KCTD1: variants seen among roughly 807,000 people sequenced by gnomAD.
KCTD1 encodes the protein potassium channel tetramerization domain containing 1, also known as BTB/POZ domain-containing protein KCTD1.
Under a neutral mutation model 66.0 loss-of-function variants are expected in KCTD1, and 24 were observed. The observed-to-expected ratio is 0.36, with a 90% CI of 0.26 to 0.51. The LOEUF is 0.51. KCTD1 is among the 20% of genes least tolerant of loss of function. KCTD1 has a pLI of 0.95. For synonymous variants in KCTD1, 511 were observed against 517.2 expected (o/e 0.99, Z 0.16); for missense variants, 943 against 1,205.2 (o/e 0.78, Z 3.22).
At chr18:26,496,928 T>A (rs1044963231) in intron 2 of KCTD1, among the ~76,000 whole-genome samples, 2 of 152,174 alleles carry the variant, frequency 1.3e-5, no homozygotes, top group Non-Finnish European at 2.9e-5. Flanking sequence ...CAGAGTCAGA[T>A]GGTGAAAATC....
At chr18:26,506,297 G>A (rs1025781612) in intron 1 of KCTD1, among the ~76,000 whole-genome samples, 2 of 152,210 alleles carry the variant, frequency 1.3e-5, no homozygotes, top group Admixed American at 6.5e-5. Context: ...CAGTGGGAGG[G>A]AGCCCATGAA....
At position 26,548,271 on chromosome 18, in the gene KCTD1, TCG is replaced by T; in HGVS notation, c.264_265del (p.Asp88GlufsTer153). ...CATCTCCTCCTCTTCCTCCTCCTCC[TCG>T]TCCTCCTCCAGCCCCCCACCTCCGT... On this transcript the variant is annotated frameshift_variant, in exon 1 of 5. Transcript: ENST00000580059. LOFTEE classifies it high-confidence loss of function. 1 of 1,512,494 alleles carries T rather than the reference TCG, an allele frequency of 6.6e-7. No individual in the cohort carries two copies. The allele number at this position is 1,512,494 out of a possible 1,614,324, so 93.7% of individuals were successfully genotyped here.
chr18:26,651,671 C>A (rs527752063), intron 1 of KCTD1, among the ~76,000 whole-genome samples: 6 of 151,418 alleles, frequency 4.0e-5, no homozygotes, highest in Non-Finnish European at 8.8e-5. Flanking sequence ...GTAGTCCCAG[C>A]TACTCAGGAG....
At chr18:26,641,140 C>G (rs559216982), upstream of KCTD1, among the ~76,000 whole-genome samples, 15 of 152,240 alleles carry the variant, frequency 9.9e-5, 1 homozygote, top group South Asian at 2.9e-3. Context: ...CTGTTTATAC[C>G]CTCACCTCCT....
intron 1 of KCTD1, among the ~76,000 whole-genome samples, chr18:26,529,754 C>A (rs753646905): frequency 2.4e-4 from 36 of 152,282 alleles, no homozygotes; most frequent in Non-Finnish European, 3.5e-4. Flanking sequence ...TATTAAATAA[C>A]TTTGAGAATA....
upstream of KCTD1, chr18:26,548,680 G>T: frequency 9.8e-7 from 1 of 1,020,832 alleles, no homozygotes; most frequent in Non-Finnish European, 1.2e-6. Flanking sequence ...TGTCATTCCC[G>T]AGCGCAGCTC....
chr18:26,527,482 CAA>C (rs1342328848), intron 1 of KCTD1, among the ~76,000 whole-genome samples: 1 of 62,882 alleles, frequency 1.6e-5, no homozygotes, highest in Non-Finnish European at 3.1e-5. Flanking sequence ...AGGGCTACTG[CAA>C]AAAAAAAAGG....
intron 1 of KCTD1, among the ~76,000 whole-genome samples, chr18:26,568,848 G>A (rs930050091): frequency 1.3e-5 from 2 of 152,084 alleles, no homozygotes; most frequent in Non-Finnish European, 2.9e-5. Flanking sequence ...ATTGACCCTT[G>A]TTGATACTGT....
intron 1 of KCTD1, among the ~76,000 whole-genome samples, chr18:26,535,971 CAAAAAA>C (rs36119174): frequency 1.6e-5 from 2 of 122,822 alleles, no homozygotes; most frequent in African/African-American, 6.1e-5. Context: ...GTGATTCCTC[CAAAAAA>C]AAAAAAAAAA....
intron 1 of KCTD1, among the ~76,000 whole-genome samples, chr18:26,526,390 T>C (rs190538011): frequency 6.6e-6 from 1 of 152,274 alleles, no homozygotes; most frequent in Admixed American, 6.5e-5. Flanking sequence ...GATTCGCACA[T>C]AGAGGACCTC....
chr18:26,549,272 G>A, upstream of KCTD1: 5 of 985,066 alleles, frequency 5.1e-6, no homozygotes, highest in South Asian at 1.9e-4. Flanking sequence ...GGGGGCCTGG[G>A]GCCAGCCGCG....
At position 26,548,323 on chromosome 18, in the gene KCTD1, T is replaced by C. The variant is rs766764512; in HGVS notation, c.214A>G (p.Thr72Ala). ...EEDEIQEVQI[T>A]GDEEEEEDGG... ...TCCTCCTCCTCCTCCTCGTCCCCCGTTATCTGCACCTCCTGGATCTCGTCC... is the reference window on the plus strand; with the variant it reads ...TCCTCCTCCTCCTCCTCGTCCCCCGCTATCTGCACCTCCTGGATCTCGTCC... The change falls in exon 1 of 5, where the codon ACG becomes GCG. Residue 72 changes from threonine to alanine, a missense_variant. Around this residue, in one of 10 missense-constraint regions of KCTD1, gnomAD observed 236 missense variants for 206.6 expected, o/e 1.14. Coordinates refer to ENST00000580059, the MANE Select transcript of KCTD1 (RefSeq NM_001142730.3). 34 of 1,484,880 alleles carry C rather than the reference T, an allele frequency of 2.3e-5. No individual in the cohort carries two copies. Among genetic ancestry groups the C allele is most frequent in the Non-Finnish European group, 3.0e-5 (34 of 1,116,962 alleles). The allele number at this position is 1,484,880 out of a possible 1,614,324, so 92.0% of individuals were successfully genotyped here. A position where few individuals can be genotyped will look rare whatever the true frequency, so the allele number is the denominator to read the frequency against.
At chr18:26,621,496 T>C (rs987500974) in intron 1 of KCTD1, among the ~76,000 whole-genome samples, 22 of 151,512 alleles carry the variant, frequency 1.5e-4, no homozygotes, top group Admixed American at 3.9e-4. Context: ...GGACTATACG[T>C]GGAAAAACGA....
intron 2 of KCTD1, among the ~76,000 whole-genome samples, chr18:26,497,640 C>T (rs1250611741): frequency 6.6e-6 from 1 of 152,174 alleles, no homozygotes; most frequent in African/African-American, 2.4e-5. Flanking sequence ...TACAAAAATA[C>T]GCCCCCCAAA....
At chr18:26,630,998 C>T (rs770631670), upstream of KCTD1, among the ~76,000 whole-genome samples, 41 of 152,180 alleles carry the variant, frequency 2.7e-4, no homozygotes, top group Non-Finnish European at 5.0e-4. Context: ...CTTATATATG[C>T]TTTTCTGATT....
chr18:26,653,994 G>C (rs144551676), intron 1 of KCTD1, among the ~76,000 whole-genome samples: 121 of 152,236 alleles, frequency 7.9e-4, no homozygotes, highest in African/African-American at 2.7e-3. Flanking sequence ...TAAAAACGTT[G>C]GTGAAGTAAT....
rs140322832 is a variant in KCTD1 at position 26,565,158 on chromosome 18, G to C, written c.-15-63908C>G. On this transcript the variant is annotated intron_variant, in intron 1 of 4. Transcript: ENST00000317932. ...TGAAGGTGAAGACTGCAGGATGAGA[G>C]TGCTAAGGTGTCAGATTACTGTGTA... Among the ~76,000 whole-genome samples, 1,099 of 152,314 alleles carry C rather than the reference G, an allele frequency of 7.2e-3. 10 individuals are homozygous for C. The highest frequency in any genetic ancestry group is 0.024 in the Middle Eastern group (7 of 294).
At chr18:26,572,398 T>A (rs992584472) in intron 1 of KCTD1, among the ~76,000 whole-genome samples, 36 of 152,168 alleles carry the variant, frequency 2.4e-4, no homozygotes, top group African/African-American at 8.4e-4. Flanking sequence ...CAAATGAGAT[T>A]TCTTTCTGTG....
At chr18:26,507,705 T>C (rs1288753525) in intron 1 of KCTD1, among the ~76,000 whole-genome samples, 1 of 152,138 alleles carries the variant, frequency 6.6e-6, no homozygotes, top group East Asian at 1.9e-4. Flanking sequence ...ACTATACTTT[T>C]TTTTTTTTAA....
Sources: gnomAD v4.1 joint callset for allele counts (sites outside exome capture counted in the v4.1 genomes callset) on GRCh38, gnomAD v4.1.1 for gene constraint, gnomAD v4.1.1 regional missense constraint, MANE v1.5 for transcripts, NCBI Gene and HGNC (gene_info 2026-07-23, HGNC 2026-07-21) for gene names.